The following HHAT variants were observed in gnomAD, a reference collection of about 807,000 sequenced individuals.
The protein encoded by HHAT is protein-cysteine N-palmitoyltransferase HHAT.
In HHAT, 47 loss-of-function variants were observed where a neutral mutation model predicts 70.8. The observed-to-expected ratio is 0.66, with a 90% CI of 0.53 to 0.85. The LOEUF (loss-of-function observed/expected upper bound fraction) is 0.85, where lower values mean the gene tolerates loss of function less well. Ranked by LOEUF, HHAT falls within the 40% of genes least tolerant of loss-of-function variation. HHAT has a pLI of 0.00. For missense variants in HHAT, 609 were observed against 604.8 expected (o/e 1.01, Z -0.07); for synonymous variants, 228 against 247.6 (o/e 0.92, Z 0.74).
intron 8 of HHAT, among the ~76,000 whole-genome samples, chr1:210,502,107 A>G (rs1470627006): frequency 6.6e-6 from 1 of 151,550 alleles, no homozygotes; most frequent in African/African-American, 2.4e-5. Context: ...CTTTCCGGCC[A>G]GGCACGGTGG....
intron 8 of HHAT, among the ~76,000 whole-genome samples, chr1:210,490,912 A>T (rs2148512256): frequency 6.6e-6 from 1 of 152,312 alleles, no homozygotes; most frequent in South Asian, 2.1e-4. Context: ...TTACACCAGA[A>T]GACAAAAATA....
chr1:210,543,464 C>A (rs192224607), intron 9 of HHAT, among the ~76,000 whole-genome samples: 1 of 152,022 alleles, frequency 6.6e-6, no homozygotes, highest in Non-Finnish European at 1.5e-5. Flanking sequence ...CCTGTAATCC[C>A]AGCATTCTGA....
chr1:210,598,987 T>C (rs1663634457), intron 10 of HHAT, among the ~76,000 whole-genome samples: 1 of 152,178 alleles, frequency 6.6e-6, no homozygotes, highest in Non-Finnish European at 1.5e-5. Flanking sequence ...TTCTATTTCT[T>C]GGTGTTGGTA....
At chr1:210,615,811 G>A (rs536127873) in intron 10 of HHAT, among the ~76,000 whole-genome samples, 1 of 152,332 alleles carries the variant, frequency 6.6e-6, no homozygotes, top group East Asian at 1.9e-4. Context: ...TCGTCTCAGA[G>A]GGGTACCTGG....
chr1:210,373,245 A>G (rs1400258502), intron 3 of HHAT, among the ~76,000 whole-genome samples: 12 of 152,122 alleles, frequency 7.9e-5, no homozygotes, highest in Non-Finnish European at 5.9e-5. Context: ...GGGGGACGGG[A>G]TTATTCCAGC....
chr1:210,519,984 C>CT (rs934218072), intron 9 of HHAT, among the ~76,000 whole-genome samples: 2 of 151,528 alleles, frequency 1.3e-5, no homozygotes, highest in Admixed American at 6.6e-5. Context: ...TGAGAAATGT[C>CT]TATTAAAGTC....
intron 9 of HHAT, among the ~76,000 whole-genome samples, chr1:210,525,778 C>T (rs1329542605): frequency 6.6e-6 from 1 of 152,132 alleles, no homozygotes; most frequent in Admixed American, 6.5e-5. Context: ...TGGTGACTTA[C>T]TCAGGATATT....
At chr1:210,370,426 G>A (rs375577600) in intron 3 of HHAT, among the ~76,000 whole-genome samples, 14 of 151,566 alleles carry the variant, frequency 9.2e-5, no homozygotes, top group African/African-American at 2.9e-4. Flanking sequence ...ACCCATCTTG[G>A]CCTCTCAAAT....
chr1:210,420,653 A>G (rs1414877969), intron 7 of HHAT, among the ~76,000 whole-genome samples: 1 of 149,616 alleles, frequency 6.7e-6, no homozygotes, highest in Admixed American at 6.7e-5. Context: ...TTAAAGTATA[A>G]TAATAATAAA....
chr1:210,562,981 G>A (rs2095638152), intron 9 of HHAT, among the ~76,000 whole-genome samples: 1 of 152,080 alleles, frequency 6.6e-6, no homozygotes, highest in Admixed American at 6.6e-5. Context: ...ACAAAGGTGG[G>A]TTTTATTGCC....
intron 7 of HHAT, among the ~76,000 whole-genome samples, chr1:210,460,843 C>A (rs916804903): frequency 1.3e-5 from 2 of 152,114 alleles, no homozygotes; most frequent in African/African-American, 4.8e-5. Context: ...TAGGTCCCAC[C>A]CGATTTGACC....
chr1:210,655,377 A>C (rs1186492529), intron 11 of HHAT, among the ~76,000 whole-genome samples: 7 of 152,134 alleles, frequency 4.6e-5, no homozygotes, highest in Non-Finnish European at 8.8e-5. Flanking sequence ...GTCTCCTCTG[A>C]CCCTGTAGAC....
chr1:210,395,785 G>GT (rs1286165656), intron 4 of HHAT, among the ~76,000 whole-genome samples: 2 of 152,250 alleles, frequency 1.3e-5, no homozygotes, highest in East Asian at 1.9e-4. Flanking sequence ...CTATTTTCTT[G>GT]TTTTTTCTTA....
At chr1:210,545,792 T>G (rs1424937850) in intron 9 of HHAT, among the ~76,000 whole-genome samples, 1 of 152,188 alleles carries the variant, frequency 6.6e-6, no homozygotes, top group African/African-American at 2.4e-5. Context: ...ATTGTGTTGT[T>G]TCTCCCTGAA....
intron 8 of HHAT, among the ~76,000 whole-genome samples, chr1:210,500,994 G>C (rs1024093986): frequency 6.6e-6 from 1 of 152,164 alleles, no homozygotes; most frequent in African/African-American, 2.4e-5. Flanking sequence ...CTTCCTGCGC[G>C]CCTCTCCTGC....
At chr1:210,528,944 C>G (rs776732020) in intron 9 of HHAT, among the ~76,000 whole-genome samples, 1 of 152,126 alleles carries the variant, frequency 6.6e-6, no homozygotes, top group Non-Finnish European at 1.5e-5. Context: ...AGCCTTGGAA[C>G]CTTGGGGATA....
At chr1:210,365,642 G>A (rs1036317523) in intron 3 of HHAT, among the ~76,000 whole-genome samples, 1 of 149,456 alleles carries the variant, frequency 6.7e-6, no homozygotes, top group Non-Finnish European at 1.5e-5. Context: ...TTGAGATAGG[G>A]TCTCGCTCTG....
intron 8 of HHAT, among the ~76,000 whole-genome samples, chr1:210,477,792 G>T (rs990389294): frequency 6.6e-6 from 1 of 152,090 alleles, no homozygotes; most frequent in Non-Finnish European, 1.5e-5. Context: ...TATTTTAATC[G>T]AGGTTCTTCA....
intron 8 of HHAT, among the ~76,000 whole-genome samples, chr1:210,494,543 T>A (rs980068222): frequency 7.2e-5 from 1 of 13,798 alleles, no homozygotes; most frequent in African/African-American, 2.7e-4. Context: ...TTGAAATAGC[T>A]TTTTTTTTTT....
Sources: allele counts gnomAD v4.1 joint callset (sites outside exome capture counted in the v4.1 genomes callset), GRCh38; gene constraint gnomAD v4.1.1; transcripts MANE v1.5; gene names NCBI Gene and HGNC (gene_info 2026-07-23, HGNC 2026-07-21).